The following ZNF804A variants were observed in gnomAD, a reference collection of about 807,000 sequenced individuals.
The protein encoded by ZNF804A is zinc finger protein 804A.
A neutral mutation model predicts 16.5 loss-of-function variants in ZNF804A; 2 were observed. That is an observed-to-expected ratio of 0.12 (90% CI 0.05 to 0.38). The LOEUF is 0.38. Among genes scored for constraint, ZNF804A ranks in the 10% least tolerant of loss-of-function variants. The pLI is 0.99. For synonymous variants in ZNF804A, 534 were observed against 489.6 expected (o/e 1.09, Z -1.20); for missense variants, 1,473 against 1,390.7 (o/e 1.06, Z -0.94).
At chr2:184,927,836 T>C (rs1685633454) in intron 2 of ZNF804A, among the ~76,000 whole-genome samples, 1 of 152,152 alleles carries the variant, frequency 6.6e-6, no homozygotes, top group Non-Finnish European at 1.5e-5. Flanking sequence ...GTTCAGTTTG[T>C]GGTGAATACT....
chr2:184,916,243 A>G (rs566743406), intron 2 of ZNF804A, among the ~76,000 whole-genome samples: 1 of 152,320 alleles, frequency 6.6e-6, no homozygotes, highest in African/African-American at 2.4e-5. Context: ...CTCACTAAGA[A>G]GAATGAAATT....
At chr2:184,678,842 A>G (rs1054767943) in intron 1 of ZNF804A, among the ~76,000 whole-genome samples, 3 of 152,182 alleles carry the variant, frequency 2.0e-5, no homozygotes, top group African/African-American at 7.2e-5. Flanking sequence ...GTTGAGGGGG[A>G]TCTCAGTGAT....
chr2:184,828,069 CATG>C (rs1474788977), intron 1 of ZNF804A, among the ~76,000 whole-genome samples: 1 of 151,444 alleles, frequency 6.6e-6, no homozygotes, highest in Non-Finnish European at 1.5e-5. Context: ...CAAATATAAC[CATG>C]ATAATGACAA....
At chr2:184,867,000 A>C (rs1040761100) in intron 2 of ZNF804A, among the ~76,000 whole-genome samples, 13 of 151,702 alleles carry the variant, frequency 8.6e-5, no homozygotes, top group African/African-American at 2.9e-4. Flanking sequence ...AAAAAGATTG[A>C]GTGTACTACA....
Position 184,747,321 on chromosome 2 carries a change from CAAAAAAAA to C in ZNF804A, c.112-119034_112-119027del, listed in dbSNP as rs397986917. Among the ~76,000 whole-genome samples the C allele has an allele frequency of 6.4e-5, 5 of 78,092 alleles. 1 individual carries two copies. The highest frequency in any genetic ancestry group is 1.4e-4 in the African/African-American group (3 of 21,890). 51.2% of individuals were successfully genotyped at this position (78,092 alleles called of 152,430 possible). ...CCGCTCTTTGCAATAAATCTTGCTG[CAAAAAAAA>C]AAAAAAAAAAAAAGAAATGTTTGAA... On this transcript the variant is annotated intron_variant, in intron 1 of 3. Coordinates refer to ENST00000302277, the MANE Select transcript of ZNF804A (RefSeq NM_194250.2).
At chr2:184,729,379 T>TA (rs1693474732) in intron 1 of ZNF804A, among the ~76,000 whole-genome samples, 1 of 151,874 alleles carries the variant, frequency 6.6e-6, no homozygotes. Flanking sequence ...CAGTAAGAAA[T>TA]ACCTCATGAT....
chr2:184,928,701 A>G (rs1685646623), intron 2 of ZNF804A, among the ~76,000 whole-genome samples: 1 of 152,196 alleles, frequency 6.6e-6, no homozygotes, highest in African/African-American at 2.4e-5. Flanking sequence ...CAGGAACTCA[A>G]GTTCCAACTG....
At chr2:184,625,865 A>C (rs888355696) in intron 1 of ZNF804A, among the ~76,000 whole-genome samples, 1 of 151,904 alleles carries the variant, frequency 6.6e-6, no homozygotes. Flanking sequence ...TTCTTTTTTT[A>C]ATTTTATTTA....
At chr2:184,678,125 T>C (rs544032797) in intron 1 of ZNF804A, among the ~76,000 whole-genome samples, 7 of 152,076 alleles carry the variant, frequency 4.6e-5, no homozygotes, top group Non-Finnish European at 8.8e-5. Context: ...GTTGTTTTAA[T>C]ATATCTCCAT....
Position 184,765,686 on chromosome 2 carries a change from T to G in ZNF804A, c.112-100683T>G, listed in dbSNP as rs1467690786. Among the ~76,000 whole-genome samples the G allele has an allele frequency of 2.7e-5, 4 of 149,730 alleles. No individual in the cohort carries two copies. The Admixed American group carries it at 2.7e-4, about 10-fold the overall frequency. ...GAGCTCAGCTTTTGAGACAGGAGTC[T>G]TGCTGATGCCCCCTGCAGAATAAAC... is the stretch of plus-strand genomic sequence containing the variant. On this transcript the variant is annotated intron_variant, in intron 1 of 3. Coordinates refer to ENST00000302277, the MANE Select transcript of ZNF804A (RefSeq NM_194250.2).
chr2:184,643,205 T>C (rs76949344), intron 1 of ZNF804A, among the ~76,000 whole-genome samples: 2,687 of 152,142 alleles, frequency 0.018, 56 homozygotes, highest in African/African-American at 0.061. Flanking sequence ...TCTTTTTATT[T>C]GTTTTCTTTC....
chr2:184,612,762 AAC>A (rs1691258889), intron 1 of ZNF804A, among the ~76,000 whole-genome samples: 1 of 152,204 alleles, frequency 6.6e-6, no homozygotes, highest in Non-Finnish European at 1.5e-5. Flanking sequence ...GTTACTCAAA[AAC>A]ACACAAAGCT....
chr2:184,874,974 GTATTTTAAGGATAACTATACATCTCAA>G (rs1696030567), intron 2 of ZNF804A, among the ~76,000 whole-genome samples: 1 of 152,120 alleles, frequency 6.6e-6, no homozygotes, highest in Admixed American at 6.6e-5. Context: ...AGGAAATACA[GTATTTTAAGGATAACTATACATCTCAA>G]TATTCTAGGA....
At chr2:184,761,118 G>A (rs993352773) in intron 1 of ZNF804A, among the ~76,000 whole-genome samples, 5 of 152,190 alleles carry the variant, frequency 3.3e-5, no homozygotes, top group Middle Eastern at 3.4e-3. Flanking sequence ...ACTTAAATTA[G>A]TTTTACTACC....
chr2:184,634,156 A>G (rs181444998), intron 1 of ZNF804A, among the ~76,000 whole-genome samples: 7 of 152,350 alleles, frequency 4.6e-5, no homozygotes, highest in Non-Finnish European at 7.3e-5. Flanking sequence ...TTACAGAATC[A>G]CATAGATCAA....
intron 1 of ZNF804A, among the ~76,000 whole-genome samples, chr2:184,756,737 T>C (rs1048850601): frequency 2.1e-4 from 32 of 152,066 alleles, no homozygotes; most frequent in Non-Finnish European, 1.6e-4. Flanking sequence ...CATGTGTGTA[T>C]AGGTGTACGA....
At chr2:184,731,564 CTTTTTTTTTTTTTTT>C (rs34877709) in intron 1 of ZNF804A, among the ~76,000 whole-genome samples, 1 of 84,682 alleles carries the variant, frequency 1.2e-5, no homozygotes, top group African/African-American at 5.5e-5. Context: ...GTCTTTAACG[CTTTTTTTTTTTTTTT>C]TTTTTTTTGA....
At chr2:184,701,976 T>A (rs575586135) in intron 1 of ZNF804A, among the ~76,000 whole-genome samples, 25 of 152,096 alleles carry the variant, frequency 1.6e-4, no homozygotes, top group South Asian at 8.3e-4. Context: ...AGAGTTTAGA[T>A]TCTTGTAAAT....
intron 1 of ZNF804A, among the ~76,000 whole-genome samples, chr2:184,790,492 G>A (rs1032322988): frequency 1.3e-4 from 19 of 151,928 alleles, no homozygotes; most frequent in African/African-American, 4.3e-4. Flanking sequence ...CTTAGATATA[G>A]CAGTATTTGT....
Sources: gnomAD v4.1 joint callset for allele counts (sites outside exome capture counted in the v4.1 genomes callset) on GRCh38, gnomAD v4.1.1 for gene constraint, MANE v1.5 for transcripts, NCBI Gene and HGNC (gene_info 2026-07-23, HGNC 2026-07-21) for gene names.